WWC1: variants seen among roughly 807,000 people sequenced by gnomAD.
The protein encoded by WWC1 is protein KIBRA.
Under a neutral mutation model 138.4 loss-of-function variants are expected in WWC1, and 55 were observed. The ratio of observed to expected loss-of-function variants is 0.40; its 90% CI spans 0.32 to 0.50. The LOEUF (loss-of-function observed/expected upper bound fraction) is 0.50, where lower values mean the gene tolerates loss of function less well. WWC1 is among the 20% of genes least tolerant of loss of function. The pLI is 0.72. For synonymous variants in WWC1, 524 were observed against 564.9 expected, an observed-to-expected ratio of 0.93 and a Z score of 1.03; for missense variants, 1,226 against 1,420.4, an observed-to-expected ratio of 0.86 and a Z score of 2.20.
At chr5:168,403,006 T>TTTTCTTTCTTCC (rs1779432269) in intron 5 of WWC1, among the ~76,000 whole-genome samples, 2 of 105,608 alleles carry the variant, frequency 1.9e-5, no homozygotes, top group East Asian at 5.1e-4. Context: ...TGTTGTTTCT[T>TTTTCTTTCTTCC]TTTCTTTCTT....
chr5:168,432,772 T>C (rs988105819), intron 15 of WWC1, among the ~76,000 whole-genome samples: 1 of 152,100 alleles, frequency 6.6e-6, no homozygotes, highest in Non-Finnish European at 1.5e-5. Context: ...AGGGCCGTGT[T>C]GGAAATGGAT....
At chr5:168,357,485 TGTGTGTGTGC>T (rs372529517) in intron 1 of WWC1, among the ~76,000 whole-genome samples, 1,002 of 77,788 alleles carry the variant, frequency 0.013, 7 homozygotes, top group African/African-American at 0.028. Flanking sequence ...TGTGTGTGTG[TGTGTGTGTGC>T]GCGCGCGCAC....
intron 1 of WWC1, among the ~76,000 whole-genome samples, chr5:168,356,120 A>G (rs1775393548): frequency 6.6e-6 from 1 of 152,178 alleles, no homozygotes; most frequent in Non-Finnish European, 1.5e-5. Context: ...ACAGCAAGGG[A>G]AGGATCTTGG....
At chr5:168,440,600 C>A (rs1027730780) in intron 15 of WWC1, among the ~76,000 whole-genome samples, 2 of 152,180 alleles carry the variant, frequency 1.3e-5, no homozygotes, top group Non-Finnish European at 2.9e-5. Flanking sequence ...CACCTGCAAC[C>A]TCCATCTCCT....
chr5:168,454,580 T>A (rs1450570518), intron 18 of WWC1, among the ~76,000 whole-genome samples: 1 of 152,184 alleles, frequency 6.6e-6, no homozygotes, highest in Non-Finnish European at 1.5e-5. Context: ...AGGGTCACAT[T>A]ACAGCAGGAT....
intron 1 of WWC1, among the ~76,000 whole-genome samples, chr5:168,340,564 C>A (rs193056537): frequency 4.4e-4 from 67 of 152,048 alleles, no homozygotes; most frequent in Middle Eastern, 6.8e-3. Flanking sequence ...CTGGACATTT[C>A]ATATAAACAG....
chr5:168,390,778 AC>A (rs1186626150), intron 3 of WWC1, among the ~76,000 whole-genome samples: 2 of 152,182 alleles, frequency 1.3e-5, no homozygotes, highest in African/African-American at 4.8e-5. Context: ...GGGGGTGGAG[AC>A]TTTGCTGTCG....
chr5:168,364,812 C>G (rs1336374297), intron 1 of WWC1, among the ~76,000 whole-genome samples: 1 of 152,208 alleles, frequency 6.6e-6, no homozygotes, highest in Admixed American at 6.5e-5. Flanking sequence ...CTCCACTTCA[C>G]CTGAATAGCA....
chr5:168,360,866 G>T (rs1775830438), intron 1 of WWC1, among the ~76,000 whole-genome samples: 1 of 152,238 alleles, frequency 6.6e-6, no homozygotes, highest in African/African-American at 2.4e-5. Context: ...TTCTGGAATG[G>T]CCAAATTCCA....
intron 1 of WWC1, among the ~76,000 whole-genome samples, chr5:168,321,736 C>T (rs1772125866): frequency 2.0e-5 from 3 of 152,062 alleles, no homozygotes; most frequent in Admixed American, 2.0e-4. Flanking sequence ...AGGGTTTCTC[C>T]ATGTTGGTCA....
intron 1 of WWC1, among the ~76,000 whole-genome samples, chr5:168,342,229 A>G (rs1774092311): frequency 6.6e-6 from 1 of 152,168 alleles, no homozygotes; most frequent in African/African-American, 2.4e-5. Context: ...AATTGTTTGG[A>G]GCAGAGGAAG....
chr5:168,366,356 C>G (rs1287341478), intron 1 of WWC1, among the ~76,000 whole-genome samples: 1 of 152,254 alleles, frequency 6.6e-6, no homozygotes, highest in Non-Finnish European at 1.5e-5. Flanking sequence ...CTTCCATAGG[C>G]ACTTCCTTGT....
chr5:168,342,261 C>A (rs984681110), intron 1 of WWC1, among the ~76,000 whole-genome samples: 4 of 152,130 alleles, frequency 2.6e-5, no homozygotes, highest in African/African-American at 9.7e-5. Flanking sequence ...ACATAAAGAT[C>A]AGGGTAATAG....
At position 168,467,852 on chromosome 5, in the gene WWC1, G is replaced by A. The variant is rs774677829; in HGVS notation, c.3163G>A (p.Ala1055Thr). The A allele has an allele frequency of 5.0e-6, 8 of 1,614,212 alleles. No homozygotes were observed. In the Admixed American group the frequency reaches 1.2e-4, roughly 24 times the overall value. Reference protein sequence around the residue: ...RMLEKRQMDRAEHKGELQTDK... With the variant: ...RMLEKRQMDRTEHKGELQTDK... ...TTGCTTTGCCCAGCAGATGGACCGA[G>A]CGGAGCACAAGGGTGAGCTTCAGAC... Residue 1055 changes from alanine to threonine, a missense_variant, in exon 22 of 23, where the codon GCG becomes ACG. This residue lies in a region of WWC1 where 206 missense variants were observed against 247.4 expected (regional missense o/e 0.83). Coordinates refer to ENST00000265293, the MANE Select transcript of WWC1 (RefSeq NM_015238.3).
intron 2 of WWC1, among the ~76,000 whole-genome samples, chr5:168,374,751 A>G (rs1189055800): frequency 1.3e-5 from 2 of 152,184 alleles, no homozygotes; most frequent in Admixed American, 6.5e-5. Flanking sequence ...AATACACCTT[A>G]TTAGGGCAAG....
rs146910307 is a variant in WWC1, at chr5:168,451,970, C to G, written c.2526-1998C>G. On this transcript the variant is annotated intron_variant, in intron 17 of 22. Transcript: ENST00000265293. ...ACCCAGGCTGTAGTGCAGTGGCACT[C>G]TCTCGACTCACTGCAAGCTCCACCT... Among the ~76,000 whole-genome samples, 566 of 141,582 alleles carry G rather than the reference C, an allele frequency of 4.0e-3. 4 individuals carry two copies. The highest frequency in any genetic ancestry group is 9.3e-3 in the Admixed American group (124 of 13,386). The allele number at this position is 141,582 out of a possible 152,430, so 92.9% of individuals were successfully genotyped here. A position where few individuals can be genotyped will look rare whatever the true frequency, so the allele number is the denominator to read the frequency against.
intron 20 of WWC1, among the ~76,000 whole-genome samples, chr5:168,462,424 G>T (rs983327863): frequency 9.2e-5 from 14 of 152,132 alleles, no homozygotes; most frequent in African/African-American, 3.4e-4. Context: ...AAGTTACCTG[G>T]GGAGCTTGGT....
At chr5:168,428,204 G>A in intron 12 of WWC1, 63 bp downstream of exon 12, 1 of 1,519,372 alleles carries the variant, frequency 6.6e-7, no homozygotes, top group Non-Finnish European at 9.0e-7. Flanking sequence ...AATATCCAGA[G>A]CCTAGGCCTG....
intron 17 of WWC1, among the ~76,000 whole-genome samples, chr5:168,444,791 TC>T (rs1275579835): frequency 1.3e-5 from 2 of 151,950 alleles, no homozygotes; most frequent in East Asian, 3.9e-4. Context: ...CCATTTCGTT[TC>T]CCATGAATCA....
Sources: gnomAD v4.1 joint callset for allele counts (sites outside exome capture counted in the v4.1 genomes callset) on GRCh38, gnomAD v4.1.1 for gene constraint, gnomAD v4.1.1 regional missense constraint, MANE v1.5 for transcripts, NCBI Gene and HGNC (gene_info 2026-07-23, HGNC 2026-07-21) for gene names.